The following VPS13D variants were observed in gnomAD, a reference collection of about 807,000 sequenced individuals.
The protein encoded by VPS13D is intermembrane lipid transfer protein VPS13D.
A neutral mutation model predicts 461.9 loss-of-function variants in VPS13D; 187 were observed. The observed-to-expected ratio is 0.40, with a 90% CI of 0.36 to 0.46. VPS13D has a LOEUF of 0.46. VPS13D is among the 20% of genes least tolerant of loss of function. The pLI is 0.60. For synonymous variants in VPS13D, 1,951 were observed against 1,986.3 expected (o/e 0.98, Z 0.47); for missense variants, 4,711 against 5,364.9 (o/e 0.88, Z 3.81).
intron 21 of VPS13D, among the ~76,000 whole-genome samples, chr1:12,287,826 T>C (rs1642016800): frequency 6.6e-6 from 1 of 152,198 alleles, no homozygotes; most frequent in African/African-American, 2.4e-5. Context: ...GTAAATGGGA[T>C]TCTAAATCAT....
chr1:12,497,691 C>T, intron 68 of VPS13D, 60 bp downstream of exon 68: 4 of 1,555,074 alleles, frequency 2.6e-6, no homozygotes, highest in Non-Finnish European at 3.5e-6. Flanking sequence ...TTCTTTTGAT[C>T]CTGAGAAGTC....
intron 65 of VPS13D, among the ~76,000 whole-genome samples, chr1:12,442,414 G>A (rs1053812249): frequency 3.3e-5 from 5 of 152,102 alleles, no homozygotes; most frequent in African/African-American, 9.7e-5. Context: ...GGCTGTAAAC[G>A]AAGGTGAAAC....
intron 67 of VPS13D, chr1:12,497,117 A>T (rs1645968815): frequency 6.3e-6 from 1 of 159,436 alleles, no homozygotes; most frequent in African/African-American, 2.4e-5. Flanking sequence ...TAACCGCAGG[A>T]ACGAGAGCCG....
At chr1:12,305,553 G>A (rs1188141344) in intron 26 of VPS13D, among the ~76,000 whole-genome samples, 3 of 152,050 alleles carry the variant, frequency 2.0e-5, no homozygotes, top group Non-Finnish European at 4.4e-5. Context: ...GCCTCCCGAA[G>A]TGCTGGGGTT....
At chr1:12,289,956 G>A (rs1344209120) in intron 22 of VPS13D, among the ~76,000 whole-genome samples, 1 of 151,944 alleles carries the variant, frequency 6.6e-6, no homozygotes, top group African/African-American at 2.4e-5. Context: ...AAAAAAAATT[G>A]TGTTTTCAAT....
rs1646188415 is a variant in VPS13D at position 12,511,962 on chromosome 1, G to A, written c.*2938G>A. 6.6e-6 allele frequency: 1 copy of A among 152,190 alleles called. No homozygotes were observed. The highest frequency in any genetic ancestry group is 2.4e-5 in the African/African-American group (1 of 41,438). The allele number at this position is 152,190 out of a possible 1,614,324, so 9.4% of individuals were successfully genotyped here. ...TATGTAAACACTATTACAGTCACCA[G>A]TGTGTGAAGACTCTTGAGTCTGGTT... On this transcript the variant is annotated 3_prime_UTR_variant, in exon 70 of 70. Transcript: ENST00000620676. The surrounding 1 kb of genome is among the most constrained non-coding windows in gnomAD (Gnocchi z 4.5).
chr1:12,247,633 T>A (rs1448355528), intron 5 of VPS13D, among the ~76,000 whole-genome samples: 4 of 152,154 alleles, frequency 2.6e-5, no homozygotes, highest in African/African-American at 9.7e-5. Context: ...ACTGAATATT[T>A]TTCCGTGTAT....
chr1:12,263,381 G>A (rs1641174544), intron 13 of VPS13D, among the ~76,000 whole-genome samples: 1 of 152,164 alleles, frequency 6.6e-6, no homozygotes, highest in Admixed American at 6.5e-5. Context: ...ATATCAGGTG[G>A]CTTGAATTTT....
Position 12,460,257 on chromosome 1 carries a change from G to A in VPS13D, c.12523G>A (p.Glu4175Lys). Residue 4175 changes from glutamate (E) to lysine (K), a missense_variant, in exon 67 of 70, where the codon GAA becomes AAA. Transcript: ENST00000620676. ...ITSTVEGVKT[E>K]GGVSGFISGL... ...TTCGACAGTGGAAGGTGTGAAAACAGAAGGGGGTGTCAGCGGTTTCATATC... is the reference window on the plus strand; with the variant it reads ...TTCGACAGTGGAAGGTGTGAAAACAAAAGGGGGTGTCAGCGGTTTCATATC... The A allele has an allele frequency of 6.2e-7, 1 of 1,611,940 alleles. No homozygotes were observed. The highest frequency in any genetic ancestry group is 2.2e-5 in the East Asian group (1 of 44,666).
rs377739223 is a variant in VPS13D, at chr1:12,369,712, G to C, written c.10808+10G>C. 1.2e-6 allele frequency: 2 copies of C among 1,609,782 alleles called. No individual in the cohort carries two copies. The highest frequency in any genetic ancestry group is 4.5e-5 in the East Asian group (2 of 44,862). On this transcript the variant is annotated intron_variant, in intron 54 of 69. Coordinates refer to ENST00000620676, the MANE Select transcript of VPS13D (RefSeq NM_015378.4). ...CATATACATTCTCTGGGTAATTCTT[G>C]ATTAAATTACTGTTCCTATAAAGCA...
Position 12,286,920 on chromosome 1 carries a change from G to A in VPS13D, c.5635-1303G>A, listed in dbSNP as rs1390196048. ...CTATCACCCAGGCTGTAGTGCAGTG[G>A]TGCGATCTTGGCCCACTGCAACCTC... On this transcript the variant is annotated intron_variant, in intron 21 of 69. Transcript: ENST00000620676. Among the ~76,000 whole-genome samples the A allele has an allele frequency of 5.3e-5, 8 of 152,310 alleles. No homozygotes were observed. In the East Asian group the frequency reaches 1.5e-3, roughly 29 times the overall value.
At chr1:12,441,340 A>G (rs1394434493) in intron 65 of VPS13D, among the ~76,000 whole-genome samples, 1 of 152,168 alleles carries the variant, frequency 6.6e-6, no homozygotes. Context: ...TGTTTCAGGC[A>G]CTGTCCGGGG....
At chr1:12,416,416 C>A (rs1266492206) in intron 64 of VPS13D, among the ~76,000 whole-genome samples, 1 of 152,130 alleles carries the variant, frequency 6.6e-6, no homozygotes, top group Non-Finnish European at 1.5e-5. Context: ...TATTTTTATT[C>A]TTCTAACTGG....
intron 5 of VPS13D, 134 bp from the exon 6 acceptor site, chr1:12,249,089 T>A: frequency 1.6e-6 from 1 of 629,630 alleles, no homozygotes; most frequent in Non-Finnish European, 2.7e-6. Flanking sequence ...TTTCCTTTAG[T>A]GGCTCAAGGG....
At chr1:12,230,504 G>A (rs1049678917) in intron 1 of VPS13D, among the ~76,000 whole-genome samples, 1 of 152,106 alleles carries the variant, frequency 6.6e-6, no homozygotes, top group Non-Finnish European at 1.5e-5. Context: ...CCTGGAATTG[G>A]GGGGTGTCAG....
intron 65 of VPS13D, among the ~76,000 whole-genome samples, chr1:12,447,249 A>G (rs1407956569): frequency 3.9e-5 from 6 of 152,230 alleles, no homozygotes; most frequent in East Asian, 3.8e-4. Context: ...TACGAAGACA[A>G]TAGCAAAAGT....
At chr1:12,400,962 G>GCACGCACACA (rs1553188695) in intron 61 of VPS13D, among the ~76,000 whole-genome samples, 1 of 106,218 alleles carries the variant, frequency 9.4e-6, no homozygotes, top group African/African-American at 3.4e-5. Flanking sequence ...CTGCGCGCGC[G>GCACGCACACA]CACACACACA....
intron 54 of VPS13D, among the ~76,000 whole-genome samples, chr1:12,372,380 G>A (rs1644132228): frequency 6.6e-6 from 1 of 151,914 alleles, no homozygotes; most frequent in African/African-American, 2.4e-5. Flanking sequence ...GTTTTGTTTT[G>A]TTTTGTTTTA....
At chr1:12,294,881 GAAAATAACAA>G (rs1036564857) in intron 24 of VPS13D, among the ~76,000 whole-genome samples, 1 of 151,968 alleles carries the variant, frequency 6.6e-6, no homozygotes, top group African/African-American at 2.4e-5. Flanking sequence ...GGGAACCATA[GAAAATAACAA>G]TGTACTTTTG....
Sources: allele counts gnomAD v4.1 joint callset (sites outside exome capture counted in the v4.1 genomes callset), GRCh38; gene constraint gnomAD v4.1.1; non-coding constraint Gnocchi (gnomAD v3.1); transcripts MANE v1.5; gene names NCBI Gene and HGNC (gene_info 2026-07-23, HGNC 2026-07-21).